The following TMEM117 variants were observed in gnomAD, a reference collection of about 807,000 sequenced individuals.
TMEM117 encodes the protein transmembrane protein 117.
In TMEM117, 27 loss-of-function variants were observed where a neutral mutation model predicts 52.4. That is an observed-to-expected ratio of 0.51 (90% CI 0.38 to 0.71). The LOEUF is 0.71. Ranked by LOEUF, TMEM117 falls within the 30% of genes least tolerant of loss-of-function variation. The pLI, the probability that TMEM117 is intolerant of heterozygous loss-of-function variation, is 0.00. For synonymous variants in TMEM117, 215 were observed against 206.3 expected (o/e 1.04, Z -0.36); for missense variants, 556 against 630.5 (o/e 0.88, Z 1.26).
At chr12:44,177,042 TC>T (rs1949125169) in intron 4 of TMEM117, among the ~76,000 whole-genome samples, 1 of 152,132 alleles carries the variant, frequency 6.6e-6, no homozygotes, top group African/African-American at 2.4e-5. Flanking sequence ...TAAACTACTG[TC>T]CCAGCTGCAT....
chr12:44,065,320 G>A lies in TMEM117; in HGVS notation c.411-78205G>A, dbSNP rs111553523. ...GAAGAATTGCTTGAACCCAAGAGGCGGAGGTTGCAGTGAGCCGAGATCACA... is the reference window on the plus strand; with the variant it reads ...GAAGAATTGCTTGAACCCAAGAGGCAGAGGTTGCAGTGAGCCGAGATCACA... On this transcript the variant is annotated intron_variant, in intron 3 of 7. Transcript: ENST00000266534. Among the ~76,000 whole-genome samples the A allele has an allele frequency of 9.8e-3, 1,480 of 151,474 alleles. 30 individuals are homozygous for A. The highest frequency in any genetic ancestry group is 0.034 in the African/African-American group (1,393 of 41,230).
At chr12:44,332,712 T>TACACACACACACAC (rs34633299) in intron 6 of TMEM117, among the ~76,000 whole-genome samples, 297 of 143,242 alleles carry the variant, frequency 2.1e-3, no homozygotes, top group African/African-American at 6.8e-3. Context: ...CTACTGTTAC[T>TACACACACACACAC]ACACACACAC....
intron 3 of TMEM117, among the ~76,000 whole-genome samples, chr12:44,034,045 T>C (rs1946674414): frequency 6.6e-6 from 1 of 152,236 alleles, no homozygotes. Context: ...CCATTTACTC[T>C]TGATACTGTT....
intron 3 of TMEM117, among the ~76,000 whole-genome samples, chr12:44,049,207 A>G (rs1156494030): frequency 6.6e-6 from 1 of 152,238 alleles, no homozygotes; most frequent in Non-Finnish European, 1.5e-5. Flanking sequence ...AATATGGTAC[A>G]TATACACCAT....
chr12:43,887,549 T>C (rs969915942), intron 2 of TMEM117, among the ~76,000 whole-genome samples: 1 of 152,150 alleles, frequency 6.6e-6, no homozygotes, highest in Middle Eastern at 3.2e-3. Flanking sequence ...TTTAGTCTGG[T>C]TTGTGACCAT....
intron 3 of TMEM117, among the ~76,000 whole-genome samples, chr12:44,105,913 A>T (rs1051940036): frequency 2.6e-5 from 4 of 152,046 alleles, no homozygotes; most frequent in African/African-American, 7.2e-5. Context: ...TCACTCTGAG[A>T]ACCTGGTAGA....
intron 2 of TMEM117, among the ~76,000 whole-genome samples, chr12:43,864,708 C>T (rs1412105816): frequency 1.3e-5 from 2 of 152,118 alleles, no homozygotes; most frequent in Non-Finnish European, 2.9e-5. Flanking sequence ...GTGAAATAGA[C>T]CAATCGACTC....
chr12:43,877,224 G>C (rs893847724), intron 2 of TMEM117, among the ~76,000 whole-genome samples: 8 of 152,048 alleles, frequency 5.3e-5, no homozygotes, highest in African/African-American at 1.4e-4. Context: ...TTTTCACTTG[G>C]TATATATTTC....
chr12:44,349,928 C>T (rs75088415), intron 6 of TMEM117, among the ~76,000 whole-genome samples: 31 of 152,088 alleles, frequency 2.0e-4, no homozygotes, highest in East Asian at 1.7e-3. Flanking sequence ...GCAAAGTATA[C>T]CTGATGTAGC....
intron 3 of TMEM117, among the ~76,000 whole-genome samples, chr12:43,983,547 C>CGTGTGTGT (rs748259406): frequency 3.6e-5 from 4 of 110,728 alleles, no homozygotes; most frequent in African/African-American, 1.3e-4. Context: ...TTGCACCAAC[C>CGTGTGTGT]GTGTGTGTGT....
At chr12:43,807,534 G>T in the TMEM117 span, among the ~76,000 whole-genome samples, 1 of 152,166 alleles carries the variant, frequency 6.6e-6, no homozygotes, top group Admixed American at 6.5e-5. Context: ...ACCAGTTTTT[G>T]ACTACATTGC....
chr12:44,156,204 C>CA (rs1948823451), intron 4 of TMEM117, among the ~76,000 whole-genome samples: 1 of 152,080 alleles, frequency 6.6e-6, no homozygotes, highest in Non-Finnish European at 1.5e-5. Context: ...AGAGAGACCT[C>CA]AAGTTCATGC....
intron 2 of TMEM117, among the ~76,000 whole-genome samples, chr12:43,913,750 A>G (rs2051279231): frequency 6.6e-6 from 1 of 152,228 alleles, no homozygotes; most frequent in Admixed American, 6.5e-5. Context: ...ATCACACAAC[A>G]TGCTTTAATA....
chr12:44,314,570 T>C lies in TMEM117; in HGVS notation c.768+14831T>C, dbSNP rs574895363. ...TATTGGCCTGTAGTTTCTTCTTCTT[T>C]TTTTTTTTTTTTTTAAGACAAAGTC... is the stretch of plus-strand genomic sequence containing the variant. On this transcript the variant is annotated intron_variant, in intron 6 of 7. Transcript: ENST00000266534. Among the ~76,000 whole-genome samples the C allele has an allele frequency of 1.5e-3, 225 of 147,474 alleles. 2 individuals carry two copies. The highest frequency in any genetic ancestry group is 2.5e-3 in the East Asian group (13 of 5,142).
intron 5 of TMEM117, among the ~76,000 whole-genome samples, chr12:44,246,314 T>G (rs375784145): frequency 1.3e-5 from 2 of 152,140 alleles, no homozygotes; most frequent in African/African-American, 4.8e-5. Flanking sequence ...TAAAATAAAT[T>G]TATATGTTTT....
intron 3 of TMEM117, among the ~76,000 whole-genome samples, chr12:44,023,682 T>C (rs1232459511): frequency 6.6e-6 from 1 of 151,944 alleles, no homozygotes; most frequent in Non-Finnish European, 1.5e-5. Context: ...GTTTGTTTTT[T>C]TCTTGTAAAT....
chr12:44,359,328 A>C (rs1290635306), intron 6 of TMEM117, among the ~76,000 whole-genome samples: 1 of 152,122 alleles, frequency 6.6e-6, no homozygotes, highest in Non-Finnish European at 1.5e-5. Flanking sequence ...TTGAAAAGCA[A>C]GATTATTTTA....
intron 2 of TMEM117, among the ~76,000 whole-genome samples, chr12:43,851,074 A>T (rs1731449): frequency 0.21 from 32,069 of 152,164 alleles, 6,098 homozygotes; most frequent in African/African-American, 0.51. Context: ...ATAGAATGCC[A>T]CTATCCCTTT....
intron 3 of TMEM117, among the ~76,000 whole-genome samples, chr12:43,989,694 A>G (rs906618179): frequency 1.3e-5 from 2 of 152,080 alleles, no homozygotes; most frequent in African/African-American, 4.8e-5. Context: ...TGAGAATGTC[A>G]TAGCTCTTGT....
Sources: allele counts gnomAD v4.1 joint callset (sites outside exome capture counted in the v4.1 genomes callset), GRCh38; gene constraint gnomAD v4.1.1; transcripts MANE v1.5; gene names NCBI Gene and HGNC (gene_info 2026-07-23, HGNC 2026-07-21).